Variants in MALRD1 observed in about 807,000 individuals in gnomAD.
MALRD1 encodes the protein MAM and LDL-receptor class A domain-containing protein 1.
A neutral mutation model predicts 242.1 loss-of-function variants in MALRD1; 247 were observed. The observed-to-expected ratio is 1.02, with a 90% CI of 0.92 to 1.13. The LOEUF is 1.13. Among genes scored for constraint, MALRD1 ranks in the 50% most tolerant of loss-of-function variants. The probability of loss-of-function intolerance (pLI) is 0.00; values close to 1 mark genes in which losing one functional copy is unlikely to be tolerated. For missense variants in MALRD1, 2,989 were observed against 2,533.1 expected (o/e 1.18, Z -3.86); for synonymous variants, 995 against 866.6 (o/e 1.15, Z -2.60).
intron 13 of MALRD1, 125 bp downstream of exon 13, chr10:19,165,935 T>C: frequency 1.6e-6 from 1 of 630,874 alleles, no homozygotes; most frequent in Non-Finnish European, 2.3e-6. Context: ...ATTAATACAA[T>C]GCAACAGAAG....
At chr10:19,165,265 A>ATATATG in intron 12 of MALRD1, among the ~76,000 whole-genome samples, 1 of 130,308 alleles carries the variant, frequency 7.7e-6, no homozygotes, top group African/African-American at 3.2e-5. Flanking sequence ...ATATATATAT[A>ATATATG]TTTTGTTTTG....
chr10:19,372,771 A>G (rs540082089), intron 26 of MALRD1, among the ~76,000 whole-genome samples: 32 of 152,210 alleles, frequency 2.1e-4, no homozygotes, highest in African/African-American at 7.2e-4. Context: ...CCCAGCCAGT[A>G]TTCAATTTTT....
intron 14 of MALRD1, among the ~76,000 whole-genome samples, chr10:19,185,350 G>T (rs138351956): frequency 0.019 from 2,875 of 151,992 alleles, 37 homozygotes; most frequent in Non-Finnish European, 0.03. Flanking sequence ...TTAGTCCAAA[G>T]TGCATGTACT....
intron 18 of MALRD1, among the ~76,000 whole-genome samples, chr10:19,212,928 GTTGT>G (rs3044158): frequency 0.73 from 111,341 of 151,532 alleles, 41,145 homozygotes; most frequent in South Asian, 0.84. Flanking sequence ...TTTAAATGGG[GTTGT>G]TTGTTTTTCA....
At chr10:19,151,133 G>T (rs912988660) in intron 11 of MALRD1, among the ~76,000 whole-genome samples, 1 of 152,072 alleles carries the variant, frequency 6.6e-6, no homozygotes, top group African/African-American at 2.4e-5. Context: ...ATTAATGGGT[G>T]TACAATGATT....
intron 36 of MALRD1, among the ~76,000 whole-genome samples, chr10:19,649,622 G>C (rs957674492): frequency 1.3e-5 from 2 of 152,028 alleles, no homozygotes; most frequent in Non-Finnish European, 2.9e-5. Context: ...ATAGATTCTG[G>C]ATATTAAACC....
chr10:19,143,282 C>T (rs1044580570), intron 10 of MALRD1, among the ~76,000 whole-genome samples: 18 of 152,168 alleles, frequency 1.2e-4, no homozygotes, highest in African/African-American at 3.6e-4. Flanking sequence ...TGCGGTTGAG[C>T]GACTAGCTCA....
chr10:19,123,122 G>A (rs192082932), intron 5 of MALRD1, among the ~76,000 whole-genome samples: 1 of 152,142 alleles, frequency 6.6e-6, no homozygotes, highest in Non-Finnish European at 1.5e-5. Flanking sequence ...ATCTTGTATT[G>A]GACACATGTA....
chr10:19,375,720 C>T (rs1294073516), intron 26 of MALRD1, among the ~76,000 whole-genome samples: 7 of 152,078 alleles, frequency 4.6e-5, no homozygotes, highest in Non-Finnish European at 5.9e-5. Context: ...GAAAGCCACA[C>T]GCTAACAAAA....
intron 38 of MALRD1, among the ~76,000 whole-genome samples, chr10:19,694,093 G>T (rs570255180): frequency 7.5e-4 from 113 of 151,102 alleles, no homozygotes; most frequent in African/African-American, 2.6e-3. Context: ...GATTAAAGAC[G>T]TAAATGTTAG....
chr10:19,051,186 A>G (rs1348771794), intron 1 of MALRD1, among the ~76,000 whole-genome samples: 2 of 152,216 alleles, frequency 1.3e-5, no homozygotes, highest in African/African-American at 4.8e-5. Context: ...TATTGTGAAG[A>G]AATAGCAATG....
intron 7 of MALRD1, among the ~76,000 whole-genome samples, chr10:19,126,632 T>C (rs1837291870): frequency 6.6e-6 from 1 of 152,162 alleles, no homozygotes; most frequent in Non-Finnish European, 1.5e-5. Context: ...TTCTTTTTTC[T>C]ACAATTTATA....
intron 21 of MALRD1, among the ~76,000 whole-genome samples, chr10:19,305,784 T>TTA (rs1185052057): frequency 7.0e-6 from 1 of 142,382 alleles, no homozygotes; most frequent in African/African-American, 2.6e-5. Context: ...ATACTATATA[T>TTA]TATATATATA....
At chr10:19,098,458 C>T (rs1473012292) in intron 4 of MALRD1, among the ~76,000 whole-genome samples, 2 of 152,110 alleles carry the variant, frequency 1.3e-5, no homozygotes, top group Non-Finnish European at 2.9e-5. Context: ...TTAATCTTAA[C>T]TCTTAAAATT....
intron 32 of MALRD1, among the ~76,000 whole-genome samples, chr10:19,549,736 C>T (rs1423976120): frequency 6.6e-6 from 1 of 152,136 alleles, no homozygotes; most frequent in East Asian, 1.9e-4. Flanking sequence ...ACTGAACCTG[C>T]AATATCTTTG....
chr10:19,072,636 C>T (rs552341492), intron 2 of MALRD1, among the ~76,000 whole-genome samples: 2 of 151,924 alleles, frequency 1.3e-5, no homozygotes, highest in Non-Finnish European at 2.9e-5. Context: ...TATAATTCTT[C>T]CTCTAAGAAC....
chr10:19,149,482 T>G (rs1390754884), intron 11 of MALRD1, among the ~76,000 whole-genome samples: 1 of 152,150 alleles, frequency 6.6e-6, no homozygotes, highest in African/African-American at 2.4e-5. Flanking sequence ...TTAATTATGT[T>G]CCACTTTTAT....
intron 32 of MALRD1, among the ~76,000 whole-genome samples, chr10:19,537,423 TG>T (rs147976686): frequency 0.09 from 13,714 of 152,134 alleles, 1,886 homozygotes; most frequent in African/African-American, 0.3. Flanking sequence ...ATCAAGGGGC[TG>T]GCAAGTTTGG....
At chr10:19,149,324 G>A (rs138892150) in intron 11 of MALRD1, among the ~76,000 whole-genome samples, 28 of 152,074 alleles carry the variant, frequency 1.8e-4, no homozygotes, top group Middle Eastern at 3.4e-3. Context: ...AGGTTTCACC[G>A]TGTTGACCAG....
Sources: allele counts gnomAD v4.1 joint callset (sites outside exome capture counted in the v4.1 genomes callset), GRCh38; gene constraint gnomAD v4.1.1; transcripts MANE v1.5; gene names NCBI Gene and HGNC (gene_info 2026-07-23, HGNC 2026-07-21).